PRDM16: variants seen among roughly 807,000 people sequenced by gnomAD.
PRDM16 encodes the protein PR/SET domain 16, also known as histone-lysine N-methyltransferase PRDM16.
A neutral mutation model predicts 110.6 loss-of-function variants in PRDM16; 23 were observed. The ratio of observed to expected loss-of-function variants is 0.21; its 90% CI spans 0.15 to 0.29. The LOEUF (loss-of-function observed/expected upper bound fraction) is 0.29. PRDM16 is among the 10% of genes least tolerant of loss of function. The pLI is 1.00. For missense variants in PRDM16, 1,615 were observed against 1,794.3 expected, an observed-to-expected ratio of 0.90 and a Z score of 1.81; for synonymous variants, 799 against 781.8, an observed-to-expected ratio of 1.02 and a Z score of -0.37.
At chr1:3,375,652 C>T (rs373121697) in intron 3 of PRDM16, among the ~76,000 whole-genome samples, 2 of 152,222 alleles carry the variant, frequency 1.3e-5, no homozygotes, top group Non-Finnish European at 2.9e-5. Flanking sequence ...GGGCACAGCA[C>T]AGCCTCAAGG....
At chr1:3,394,774 T>C (rs989504491) in intron 4 of PRDM16, among the ~76,000 whole-genome samples, 4 of 152,158 alleles carry the variant, frequency 2.6e-5, no homozygotes, top group Admixed American at 1.3e-4. Context: ...CATCCCGCAC[T>C]TTGGGCCCGA....
At chr1:3,389,169 CAG>C (rs2100613904) in intron 4 of PRDM16, among the ~76,000 whole-genome samples, 2 of 152,318 alleles carry the variant, frequency 1.3e-5, no homozygotes, top group South Asian at 4.1e-4. Flanking sequence ...AGGCAGGGGA[CAG>C]GGGCTTGAGA....
chr1:3,265,585 G>T lies in PRDM16; in HGVS notation c.438+21448G>T, dbSNP rs1041722161. 9.9e-5 allele frequency among the ~76,000 whole-genome samples: 15 copies of T among 152,104 alleles called. No homozygotes were observed. The highest frequency in any genetic ancestry group is 3.1e-4 in the African/African-American group (13 of 41,400). On this transcript the variant is annotated intron_variant, in intron 3 of 16. Coordinates refer to ENST00000270722, the MANE Select transcript of PRDM16 (RefSeq NM_022114.4). This position sits in a 1 kb window ranked among gnomAD's most constrained non-coding sequence, Gnocchi z 4.5. ...TGGGAAGAGGAGAAGGGGTCGTCCT[G>T]GTGGGAGAGGGAGAAGCAGACCGCA...
intron 1 of PRDM16, among the ~76,000 whole-genome samples, chr1:3,073,152 G>A (rs906218008): frequency 6.6e-6 from 1 of 152,202 alleles, no homozygotes; most frequent in Non-Finnish European, 1.5e-5. Context: ...CAGTGCGCAG[G>A]GCAGGGGACC....
In PRDM16 at chr1:3,148,415, C is replaced by T. The variant is rs569724109; in HGVS notation, c.38-37710C>T. 8.8e-4 allele frequency among the ~76,000 whole-genome samples: 134 copies of T among 152,096 alleles called. No individual in the cohort carries two copies. The highest frequency in any genetic ancestry group is 2.7e-3 in the African/African-American group (114 of 41,480). The stretch of plus-strand genomic sequence containing the variant: ...GGCCAGAGGTGAGGAAGGAGCTGTC[C>T]GGCAGGGCTGGGCTGGGCTGGGTGT... On this transcript the variant is annotated intron_variant, in intron 1 of 16. Transcript: ENST00000270722. The surrounding 1 kb of genome is among the most constrained non-coding windows in gnomAD (Gnocchi z 5.0).
intron 1 of PRDM16, among the ~76,000 whole-genome samples, chr1:3,074,416 T>G (rs1232162917): frequency 6.6e-6 from 1 of 152,060 alleles, no homozygotes; most frequent in Non-Finnish European, 1.5e-5. Flanking sequence ...TTTTTCTGTG[T>G]GTGTGTGTGT....
chr1:3,246,689 C>T lies in PRDM16; in HGVS notation c.438+2552C>T, dbSNP rs567425784. Among the ~76,000 whole-genome samples, 1 of 152,200 alleles carries T rather than the reference C, an allele frequency of 6.6e-6. No homozygotes were observed. The highest frequency in any genetic ancestry group is 1.5e-5 in the Non-Finnish European group (1 of 68,028). On this transcript the variant is annotated intron_variant, in intron 3 of 16. Transcript: ENST00000270722. This position sits in a 1 kb window ranked among gnomAD's most constrained non-coding sequence, Gnocchi z 5.2. ...TAGTTTTTTCAGCCTCCGCAATAAA[C>T]ACCGTCAGCGTCTGGAGGATTCGAG...
Position 3,081,163 on chromosome 1 carries a change from G to A in PRDM16, c.37+11867G>A, listed in dbSNP as rs1397222943. ...TCGAAGGTGTTAGTCTTACCTTCCCGAGGTTAGATAAAGCCGCTAAAAGCT... is the reference window on the plus strand; with the variant it reads ...TCGAAGGTGTTAGTCTTACCTTCCCAAGGTTAGATAAAGCCGCTAAAAGCT... On this transcript the variant is annotated intron_variant, in intron 1 of 16. Coordinates refer to ENST00000270722, the MANE Select transcript of PRDM16 (RefSeq NM_022114.4). The surrounding 1 kb of genome is among the most constrained non-coding windows in gnomAD (Gnocchi z 4.6). Among the ~76,000 whole-genome samples the A allele has an allele frequency of 2.0e-5, 3 of 152,196 alleles. No homozygotes were observed. The highest frequency in any genetic ancestry group is 4.4e-5 in the Non-Finnish European group (3 of 68,036).
intron 1 of PRDM16, among the ~76,000 whole-genome samples, chr1:3,129,011 G>A (rs904676159): frequency 6.6e-6 from 1 of 152,184 alleles, no homozygotes; most frequent in Middle Eastern, 3.2e-3. Context: ...GGGTGTGGTC[G>A]CTGCTCCCCT....
At chr1:3,341,796 G>A (rs566158778) in intron 3 of PRDM16, among the ~76,000 whole-genome samples, 8 of 152,374 alleles carry the variant, frequency 5.3e-5, no homozygotes, top group African/African-American at 1.4e-4. Flanking sequence ...AGGGTGAACC[G>A]CCCGCGCTCT....
At position 3,085,074 on chromosome 1, in the gene PRDM16, A is replaced by G. The variant is rs558734040; in HGVS notation, c.37+15778A>G. Among the ~76,000 whole-genome samples, 78 of 152,244 alleles carry G rather than the reference A, an allele frequency of 5.1e-4. 1 individual carries two copies. Among genetic ancestry groups the G allele is most frequent in the Non-Finnish European group, 9.3e-4 (63 of 67,998 alleles). On this transcript the variant is annotated intron_variant, in intron 1 of 16. Transcript: ENST00000270722. ...TCCCCAGCCGCACCTCTCTGTGTCA[A>G]TGGACAGCCTAGGCAGCAGAATAGT...
At chr1:3,103,141 C>T (rs1248867851) in intron 1 of PRDM16, among the ~76,000 whole-genome samples, 2 of 152,206 alleles carry the variant, frequency 1.3e-5, no homozygotes, top group Non-Finnish European at 2.9e-5. Context: ...TCTCCGACCA[C>T]CACGCCTGTC....
Position 3,414,658 on chromosome 1 carries a change from A to G in PRDM16, c.2691+11A>G. 1 of 1,608,446 alleles carries G rather than the reference A, an allele frequency of 6.2e-7. No individual in the cohort carries two copies. The highest frequency in any genetic ancestry group is 1.1e-5 in the South Asian group (1 of 90,532). ...CTCTTCCACCCCCAGGTACGTCCTC[A>G]GTGCAGGTCAGGGCGCCCTGTAACC... On this transcript the variant is annotated intron_variant, in intron 10 of 16. Coordinates refer to ENST00000270722, the MANE Select transcript of PRDM16 (RefSeq NM_022114.4).
chr1:3,106,278 A>T (rs572451059), intron 1 of PRDM16, among the ~76,000 whole-genome samples: 1 of 152,318 alleles, frequency 6.6e-6, no homozygotes, highest in South Asian at 2.1e-4. Context: ...GGGGTGTCCA[A>T]CCTGGAAGCT....
At chr1:3,377,835 C>T (rs1436972529) in intron 3 of PRDM16, among the ~76,000 whole-genome samples, 4 of 152,138 alleles carry the variant, frequency 2.6e-5, no homozygotes, top group Non-Finnish European at 5.9e-5. Flanking sequence ...CAAACAGAAG[C>T]GAGCAGTGAG....
In PRDM16 at chr1:3,323,385, G is replaced by A. The variant is rs909216064; in HGVS notation, c.439-61767G>A. Among the ~76,000 whole-genome samples the A allele has an allele frequency of 7.9e-5, 12 of 152,360 alleles. No homozygotes were observed. The East Asian group carries it at 9.7e-4, about 12-fold the overall frequency. ...GGGCGGCATTTGCAGTCTCACCTCC[G>A]CAGTGTGTGCCGCCAGAAGCGATGA... On this transcript the variant is annotated intron_variant, in intron 3 of 16. Coordinates refer to ENST00000270722, the MANE Select transcript of PRDM16 (RefSeq NM_022114.4).
intron 3 of PRDM16, among the ~76,000 whole-genome samples, chr1:3,298,168 A>G (rs2455144): frequency 0.5 from 75,882 of 152,126 alleles, 19,987 homozygotes; most frequent in East Asian, 0.67. Context: ...AGCATCTTCC[A>G]CTCCTTAAAT....
intron 3 of PRDM16, among the ~76,000 whole-genome samples, chr1:3,342,271 C>T (rs1002935062): frequency 6.6e-6 from 1 of 152,218 alleles, no homozygotes; most frequent in Non-Finnish European, 1.5e-5. Context: ...ACTCCCAAAA[C>T]ACTTCAAGTT....
At chr1:3,409,828 TGTGTGGGTGTGTG>T (rs1403632279) in intron 8 of PRDM16, among the ~76,000 whole-genome samples, 1 of 141,038 alleles carries the variant, frequency 7.1e-6, no homozygotes, top group East Asian at 2.2e-4. Context: ...TGTGTGGTTG[TGTGTGGGTGTGTG>T]GTGTGGGTGT....
Sources: allele counts gnomAD v4.1 joint callset (sites outside exome capture counted in the v4.1 genomes callset), GRCh38; gene constraint gnomAD v4.1.1; non-coding constraint Gnocchi (gnomAD v3.1); transcripts MANE v1.5; gene names NCBI Gene and HGNC (gene_info 2026-07-23, HGNC 2026-07-21).